Variants in CTNNA3 observed in about 807,000 individuals in gnomAD.
CTNNA3 encodes the protein catenin alpha-3.
CTNNA3 carries 76 observed loss-of-function variants against 95.7 expected under a neutral mutation model. The ratio of observed to expected loss-of-function variants is 0.79; its 90% CI spans 0.66 to 0.96. CTNNA3 has a LOEUF of 0.96. CTNNA3 is among the 40% of genes least tolerant of loss of function. CTNNA3 has a pLI of 0.00. For synonymous variants in CTNNA3, 431 were observed against 374.4 expected, an observed-to-expected ratio of 1.15 and a Z score of -1.74; for missense variants, 1,191 against 1,089.8, an observed-to-expected ratio of 1.09 and a Z score of -1.31.
At chr10:66,365,910 T>G (rs572638360) in intron 12 of CTNNA3, among the ~76,000 whole-genome samples, 2 of 152,236 alleles carry the variant, frequency 1.3e-5, no homozygotes, top group Non-Finnish European at 1.5e-5. Flanking sequence ...AAGCAGATTC[T>G]TTAGCCTCAG....
intron 7 of CTNNA3, among the ~76,000 whole-genome samples, chr10:67,151,108 T>C (rs531976194): frequency 6.6e-6 from 1 of 152,200 alleles, no homozygotes; most frequent in Non-Finnish European, 1.5e-5. Context: ...AAAATTACTT[T>C]AAAAATTTTT....
At chr10:67,225,991 G>A (rs1864896227) in intron 5 of CTNNA3, among the ~76,000 whole-genome samples, 1 of 151,974 alleles carries the variant, frequency 6.6e-6, no homozygotes, top group African/African-American at 2.4e-5. Context: ...AGAAGTGAAG[G>A]GAGAAATATT....
intron 5 of CTNNA3, among the ~76,000 whole-genome samples, chr10:67,377,534 G>A (rs1276039012): frequency 6.6e-6 from 1 of 152,074 alleles, no homozygotes; most frequent in Non-Finnish European, 1.5e-5. Flanking sequence ...TACAGGGTCT[G>A]GAAATTTGGG....
At chr10:67,090,010 T>C (rs1002992025) in intron 7 of CTNNA3, among the ~76,000 whole-genome samples, 1 of 152,094 alleles carries the variant, frequency 6.6e-6, no homozygotes, top group African/African-American at 2.4e-5. Flanking sequence ...ACAGATTAAT[T>C]CAAGTTTCTT....
intron 11 of CTNNA3, among the ~76,000 whole-genome samples, chr10:66,515,329 G>A (rs893373117): frequency 7.8e-6 from 1 of 128,026 alleles, no homozygotes; most frequent in African/African-American, 2.9e-5. Flanking sequence ...CTCCCTCTCT[G>A]TCTCTCTCTC....
At chr10:66,716,975 T>C (rs1049884897) in intron 9 of CTNNA3, among the ~76,000 whole-genome samples, 1 of 151,938 alleles carries the variant, frequency 6.6e-6, no homozygotes, top group Non-Finnish European at 1.5e-5. Flanking sequence ...GAGTTTACCC[T>C]TGATAATGTA....
At chr10:66,653,403 G>A (rs201378390) in intron 9 of CTNNA3, among the ~76,000 whole-genome samples, 2 of 19,554 alleles carry the variant, frequency 1.0e-4, no homozygotes, top group Non-Finnish European at 1.6e-4. Flanking sequence ...AAATTTAAAC[G>A]AGGTAAAAGA....
intron 7 of CTNNA3, among the ~76,000 whole-genome samples, chr10:67,124,333 G>GGTGTGTGTGTGT (rs141981196): frequency 2.8e-5 from 4 of 141,870 alleles, no homozygotes; most frequent in Admixed American, 7.1e-5. Context: ...GTGTGTTAGC[G>GGTGTGTGTGTGT]GTGTGTGTGT....
chr10:67,262,681 A>G lies in CTNNA3; in HGVS notation c.580-42811T>C, dbSNP rs76747182. 3.4e-3 allele frequency among the ~76,000 whole-genome samples: 515 copies of G among 152,310 alleles called. 4 individuals are homozygous for G. The highest frequency in any genetic ancestry group is 0.012 in the African/African-American group (491 of 41,574). ...TGATTTCACAAAAGGCTGTCCGTGG[A>G]TCTTTGGCGGGGAAAAATCCCTGCT... On this transcript the variant is annotated intron_variant, in intron 5 of 17. Coordinates refer to ENST00000433211, the MANE Select transcript of CTNNA3 (RefSeq NM_013266.4).
At chr10:66,063,860 T>G (rs77434669) in intron 15 of CTNNA3, among the ~76,000 whole-genome samples, 7 of 152,016 alleles carry the variant, frequency 4.6e-5, no homozygotes, top group African/African-American at 1.7e-4. Flanking sequence ...TAGCAAAGTA[T>G]GTTAATACTT....
chr10:67,550,835 GT>G (rs2133227664), intron 3 of CTNNA3, among the ~76,000 whole-genome samples: 1 of 152,194 alleles, frequency 6.6e-6, no homozygotes, highest in South Asian at 2.1e-4. Flanking sequence ...ATATATTTTA[GT>G]GTGAAGATTT....
chr10:66,981,619 T>C lies in CTNNA3; in HGVS notation c.1047+198698A>G, dbSNP rs115675035. 9.6e-3 allele frequency among the ~76,000 whole-genome samples: 1,464 copies of C among 152,336 alleles called. 25 individuals carry two copies. The highest frequency in any genetic ancestry group is 0.034 in the African/African-American group (1,400 of 41,580). ...AGCTGTTTTAATATGGCATCTGTGG[T>C]TAATTTTTAGTACAATATTGCACAT... On this transcript the variant is annotated intron_variant, in intron 7 of 17. Transcript: ENST00000433211.
At chr10:67,304,113 T>C (rs1356306563) in intron 5 of CTNNA3, among the ~76,000 whole-genome samples, 2 of 152,212 alleles carry the variant, frequency 1.3e-5, no homozygotes, top group Non-Finnish European at 2.9e-5. Context: ...GATGTAAACA[T>C]ATATAATGTG....
At chr10:66,432,482 C>A (rs1364026186) in intron 11 of CTNNA3, among the ~76,000 whole-genome samples, 1 of 151,962 alleles carries the variant, frequency 6.6e-6, no homozygotes. Flanking sequence ...CACAGTGAAA[C>A]CCCATCTCTA....
In CTNNA3 at chr10:66,415,230, C is replaced by T. The variant is rs1348559749; in HGVS notation, c.1532-35878G>A. Among the ~76,000 whole-genome samples, 3 of 152,226 alleles carry T rather than the reference C, an allele frequency of 2.0e-5. No individual in the cohort carries two copies. In the South Asian group the frequency reaches 6.2e-4, roughly 32 times the overall value. The stretch of plus-strand genomic sequence containing the variant: ...AGGTTTCCCCATCATCCCCATGCCA[C>T]AGCATACAGTCCAGGGGCCAGGGAA... On this transcript the variant is annotated intron_variant, in intron 11 of 17. Coordinates refer to ENST00000433211, the MANE Select transcript of CTNNA3 (RefSeq NM_013266.4).
Position 66,527,110 on chromosome 10 carries a change from A to G in CTNNA3, c.1375-6337T>C, listed in dbSNP as rs531625768. 2.6e-5 allele frequency among the ~76,000 whole-genome samples: 4 copies of G among 152,288 alleles called. No homozygotes were observed. In the South Asian group the frequency reaches 8.3e-4, roughly 32 times the overall value. On this transcript the variant is annotated intron_variant, in intron 10 of 17. Transcript: ENST00000433211. ...TTTTGAGTTAAGTTTTGTATATGGCACAAGGTGGGGCAAACTTCATTCGTT... is the reference window on the plus strand; with the variant it reads ...TTTTGAGTTAAGTTTTGTATATGGCGCAAGGTGGGGCAAACTTCATTCGTT...
intron 7 of CTNNA3, among the ~76,000 whole-genome samples, chr10:66,894,951 C>A (rs1397346217): frequency 6.9e-6 from 1 of 144,680 alleles, no homozygotes; most frequent in East Asian, 2.1e-4. Flanking sequence ...ATGATCAGAG[C>A]ATTTTCAATA....
At chr10:67,295,094 T>C (rs980279591) in intron 5 of CTNNA3, among the ~76,000 whole-genome samples, 1 of 152,232 alleles carries the variant, frequency 6.6e-6, no homozygotes, top group Admixed American at 6.5e-5. Flanking sequence ...TTCAGTAGAA[T>C]GGAATTTCTG....
intron 12 of CTNNA3, among the ~76,000 whole-genome samples, chr10:66,301,043 A>G (rs1169001017): frequency 1.3e-5 from 2 of 152,140 alleles, no homozygotes; most frequent in African/African-American, 4.8e-5. Context: ...AAATACCATG[A>G]ACAACCCTAT....
Sources: allele counts gnomAD v4.1 joint callset (sites outside exome capture counted in the v4.1 genomes callset), GRCh38; gene constraint gnomAD v4.1.1; transcripts MANE v1.5; gene names NCBI Gene and HGNC (gene_info 2026-07-23, HGNC 2026-07-21).